Variants in HABP2 observed in about 807,000 individuals in gnomAD.
HABP2 encodes hyaluronan binding protein 2, also known as factor VII-activating protease.
HABP2 carries 65 observed loss-of-function variants against 66.5 expected under a neutral mutation model. That is an observed-to-expected ratio of 0.98 (90% CI 0.80 to 1.20). The LOEUF is 1.20. Ranked by LOEUF, HABP2 falls within the 50% of genes most tolerant of loss-of-function variation. The probability of loss-of-function intolerance (pLI) is 0.00; values close to 1 mark genes in which losing one functional copy is unlikely to be tolerated. For synonymous variants in HABP2, 263 were observed against 253.9 expected, an observed-to-expected ratio of 1.04 and a Z score of -0.34; for missense variants, 786 against 691.0, an observed-to-expected ratio of 1.14 and a Z score of -1.54.
Position 113,578,652 on chromosome 10 carries a change from T to G in HABP2, c.594T>G (p.Asp198Glu). The change falls in exon 7 of 13, where the codon GAT becomes GAG. Residue 198 changes from aspartate to glutamate, a missense_variant. Physicochemically the swap from Asp to Glu is conservative, Grantham distance 45 (BLOSUM62 2). Transcript: ENST00000351270. ...GTTCTGATGACTGCTATGTTGGCGATGGCTACTCTTACCGAGGGAAAATGA... is the reference window on the plus strand; with the variant it reads ...GTTCTGATGACTGCTATGTTGGCGAGGGCTACTCTTACCGAGGGAAAATGA... ...EIGSDDCYVG[D>E]GYSYRGKMNR... The G allele has an allele frequency of 6.2e-7, 1 of 1,613,452 alleles. No homozygotes were observed.
At chr10:113,566,557 C>G (rs1845201907) in intron 1 of HABP2, among the ~76,000 whole-genome samples, 1 of 152,220 alleles carries the variant, frequency 6.6e-6, no homozygotes, top group African/African-American at 2.4e-5. Context: ...AATGACAAAA[C>G]AGACAAAATC....
intron 1 of HABP2, among the ~76,000 whole-genome samples, chr10:113,554,237 C>A (rs753697667): frequency 4.6e-5 from 7 of 152,148 alleles, no homozygotes; most frequent in Non-Finnish European, 8.8e-5. Flanking sequence ...TCAGAGAATG[C>A]TCCGCCTTGT....
chr10:113,582,427 G>C (rs1307828988), intron 9 of HABP2, among the ~76,000 whole-genome samples: 2 of 152,230 alleles, frequency 1.3e-5, no homozygotes, highest in Admixed American at 1.3e-4. Flanking sequence ...CCAGTGTCTT[G>C]AGCAGGCCTT....
In HABP2 at chr10:113,584,253, A is replaced by T. The variant is rs1052715939; in HGVS notation, c.1343A>T (p.His448Leu). The change falls in exon 11 of 13, where the codon CAC becomes CTC. Residue 448 changes from histidine (H) to leucine (L), a missense_variant. By Grantham distance (99) the His-to-Leu change is moderately conservative. Coordinates refer to ENST00000351270, the MANE Select transcript of HABP2 (RefSeq NM_004132.5). ...DGSFPSGSEC[H>L]ISGWGVTETG... ...TCCTTTCCCTCTGGGAGTGAGTGCCACATCTCTGGCTGGGGTGTTACAGAA... is the reference window on the plus strand; with the variant it reads ...TCCTTTCCCTCTGGGAGTGAGTGCCTCATCTCTGGCTGGGGTGTTACAGAA... 1.9e-5 allele frequency: 30 copies of T among 1,613,984 alleles called. No individual in the cohort carries two copies. The East Asian group carries it at 6.5e-4, about 35-fold the overall frequency.
At chr10:113,556,025 GA>G (rs1361573128) in intron 1 of HABP2, among the ~76,000 whole-genome samples, 1 of 151,078 alleles carries the variant, frequency 6.6e-6, no homozygotes, top group African/African-American at 2.4e-5. Context: ...CCCATCCCTA[GA>G]AAGAAGAAAG....
intron 1 of HABP2, among the ~76,000 whole-genome samples, chr10:113,553,981 C>T (rs1490650912): frequency 1.3e-5 from 2 of 152,172 alleles, no homozygotes; most frequent in Non-Finnish European, 2.9e-5. Context: ...TGGTTGTGGT[C>T]TGAGGCATGA....
At chr10:113,562,992 T>A (rs1845127689) in intron 1 of HABP2, among the ~76,000 whole-genome samples, 1 of 152,238 alleles carries the variant, frequency 6.6e-6, no homozygotes, top group Non-Finnish European at 1.5e-5. Flanking sequence ...TTAGACAACT[T>A]AATATCTGAA....
chr10:113,578,155 T>G lies in HABP2; in HGVS notation c.568+10T>G. 6.2e-7 allele frequency: 1 copy of G among 1,613,880 alleles called. No homozygotes were observed. Among genetic ancestry groups the G allele is most frequent in the East Asian group, 2.2e-5 (1 of 44,868 alleles). On this transcript the variant is annotated intron_variant, in intron 6 of 12. Coordinates refer to ENST00000351270, the MANE Select transcript of HABP2 (RefSeq NM_004132.5). The stretch of plus-strand genomic sequence containing the variant: ...AAATTCTGTGAAATAGGTATGGGTC[T>G]CTGCCACCATCAGGGCCACAAGTGA...
intron 9 of HABP2, among the ~76,000 whole-genome samples, chr10:113,582,805 G>C (rs536046484): frequency 6.6e-6 from 1 of 152,162 alleles, no homozygotes; most frequent in Non-Finnish European, 1.5e-5. Context: ...AACAAAGTCT[G>C]GGTTTTGGAG....
intron 9 of HABP2, among the ~76,000 whole-genome samples, chr10:113,582,891 G>T (rs1845567068): frequency 1.3e-5 from 2 of 152,164 alleles, no homozygotes; most frequent in South Asian, 4.1e-4. Flanking sequence ...CCTCAAGAGA[G>T]GTCAAGCAGG....
chr10:113,566,303 TG>T (rs1845196998), intron 1 of HABP2, among the ~76,000 whole-genome samples: 1 of 152,274 alleles, frequency 6.6e-6, no homozygotes, highest in Admixed American at 6.5e-5. Context: ...CAGGCATGGT[TG>T]TTTTCCAATA....
Position 113,575,781 on chromosome 10 carries a change from C to T in HABP2, c.224-116C>T, listed in dbSNP as rs1343353. On this transcript the variant is annotated intron_variant, in intron 3 of 12. Coordinates refer to ENST00000351270, the MANE Select transcript of HABP2 (RefSeq NM_004132.5). ...TTTTCCTCCTTTCCCCAGTTTCTGG[C>T]TCAGTAGTTACTCTCTCATTTGGGG... 4,876 of 680,266 alleles carry T rather than the reference C, an allele frequency of 7.2e-3. 158 individuals are homozygous for T. The African/African-American group carries it at 0.076, about 11-fold the overall frequency. The allele number at this position is 680,266 out of a possible 1,614,324, so 42.1% of individuals were successfully genotyped here. A position where few individuals can be genotyped will look rare whatever the true frequency, so the allele number is the denominator to read the frequency against.
chr10:113,574,580 T>C (rs1011427610), intron 3 of HABP2, among the ~76,000 whole-genome samples, 175 bp downstream of exon 3: 1 of 152,200 alleles, frequency 6.6e-6, no homozygotes, highest in East Asian at 1.9e-4. Flanking sequence ...CTATGAGGAC[T>C]GGGGAAGTTC....
Position 113,588,388 on chromosome 10 carries a change from T to G in HABP2, c.*19T>G, listed in dbSNP as rs780137775. The G allele has an allele frequency of 6.3e-7, 1 of 1,594,516 alleles. No individual in the cohort carries two copies. The highest frequency in any genetic ancestry group is 8.6e-7 in the Non-Finnish European group (1 of 1,168,836). ...CTTCTAAGGTACTGTCTTCTGGACC[T>G]CAGAGCCCACTCTCCTTGGCACCCT... On this transcript the variant is annotated 3_prime_UTR_variant, in exon 13 of 13. Coordinates refer to ENST00000351270, the MANE Select transcript of HABP2 (RefSeq NM_004132.5).
chr10:113,570,731 A>AT (rs760523657), intron 2 of HABP2, among the ~76,000 whole-genome samples: 4 of 152,178 alleles, frequency 2.6e-5, no homozygotes, highest in East Asian at 1.9e-4. Flanking sequence ...AGCAGACACC[A>AT]TTTTTTTAGC....
Position 113,553,153 on chromosome 10 carries a change from T to C in HABP2, c.32T>C (p.Leu11Pro). The stretch of plus-strand genomic sequence containing the variant: ...GCCAGGATGTCTGATCTCCATGTTC[T>C]GCTGTTAATGGCTCTGGTGGGAAAG... MFARMSDLHV[L>P]LLMALVGKTA... Residue 11 changes from leucine to proline, a missense_variant, in exon 1 of 13, where the codon CTG (leucine) becomes CCG (proline). Physicochemically the swap from Leu to Pro is moderately conservative, Grantham distance 98. Coordinates refer to ENST00000351270, the MANE Select transcript of HABP2 (RefSeq NM_004132.5). 2 of 1,613,716 alleles carry C rather than the reference T, an allele frequency of 1.2e-6. No homozygotes were observed. The highest frequency in any genetic ancestry group is 1.7e-6 in the Non-Finnish European group (2 of 1,179,574).
chr10:113,578,416 C>T (rs777112982), intron 6 of HABP2, among the ~76,000 whole-genome samples: 18 of 152,200 alleles, frequency 1.2e-4, no homozygotes, highest in Non-Finnish European at 2.2e-4. Flanking sequence ...AAGAACTAAG[C>T]TCCCACACCC....
intron 2 of HABP2, 54 bp from the exon 3 acceptor site, chr10:113,574,235 G>A: frequency 1.1e-6 from 1 of 874,574 alleles, no homozygotes; most frequent in South Asian, 1.4e-5. Flanking sequence ...TAAAATGCTG[G>A]CCTATTTGAG....
intron 1 of HABP2, among the ~76,000 whole-genome samples, chr10:113,559,453 A>T (rs144635608): frequency 2.0e-4 from 31 of 152,246 alleles, no homozygotes; most frequent in South Asian, 4.1e-4. Flanking sequence ...GCACAGAGAG[A>T]CTCAACAAAT....
Sources: allele counts gnomAD v4.1 joint callset (sites outside exome capture counted in the v4.1 genomes callset), GRCh38; gene constraint gnomAD v4.1.1; transcripts MANE v1.5; gene names NCBI Gene and HGNC (gene_info 2026-07-23, HGNC 2026-07-21).